Variants in GYG2 observed in about 807,000 individuals in gnomAD.
The protein encoded by GYG2 is glycogenin-2.
In GYG2, 29 loss-of-function variants were observed where a neutral mutation model predicts 29.4. That is an observed-to-expected ratio of 0.99 (90% confidence interval 0.74 to 1.35). GYG2 has a LOEUF of 1.35. GYG2 is among the 40% of genes most tolerant of loss of function. GYG2 has a pLI of 0.00. For missense variants in GYG2, 370 were observed against 385.7 expected (o/e 0.96, Z 0.34); for synonymous variants, 167 against 172.3 (o/e 0.97, Z 0.24).
rs2088715355 is a variant in GYG2 at position 2,881,230 on chromosome X, C to T, written c.*17C>T. 1 of 1,154,355 alleles carries T rather than the reference C, an allele frequency of 8.7e-7. No homozygotes were observed. Among genetic ancestry groups the T allele is most frequent in the Middle Eastern group, 2.5e-4 (1 of 4,080 alleles). ...CTGCAGTAATCCGGCAGCTGGTGGG[C>T]GTTGTGTGTAGTTAGACAATGTCCT... On this transcript the variant is annotated 3_prime_UTR_variant, in exon 11 of 11. Transcript: ENST00000398806.
chrX:2,843,202 G>A lies in GYG2; in HGVS notation c.8-11G>A, dbSNP rs2087545115. On this transcript the variant is annotated splice_polypyrimidine_tract_variant and intron_variant, in intron 2 of 10. Coordinates refer to ENST00000398806, the MANE Select transcript of GYG2 (RefSeq NM_001079855.2). ...GGAGTGTAACTCTGGTGTTTCTGTT[G>A]ATTTTCACAGTGACTGATCAGGCTT... is the stretch of plus-strand genomic sequence containing the variant. The A allele has an allele frequency of 8.3e-7, 1 of 1,198,522 alleles. No homozygotes were observed. Among genetic ancestry groups the A allele is most frequent in the African/African-American group, 1.8e-5 (1 of 56,831 alleles).
At chrX:2,835,493 A>T (rs2087354875) in intron 2 of GYG2, among the ~76,000 whole-genome samples, 1 of 112,214 alleles carries the variant, frequency 8.9e-6, no homozygotes, top group African/African-American at 3.2e-5. Context: ...GGGTCTTTGC[A>T]GATGTAATTA....
chrX:2,839,610 G>A (rs1369638587), intron 2 of GYG2, among the ~76,000 whole-genome samples: 1 of 110,759 alleles, frequency 9.0e-6, no homozygotes, highest in African/African-American at 3.3e-5. Flanking sequence ...GTTGTCACAA[G>A]CTAGGGAAGG....
At position 2,830,027 on chromosome X, in the gene GYG2, G is replaced by A. The variant is rs190588840; in HGVS notation, c.-128-34G>A. Reference sequence around the variant, plus strand: ...GGTGACACTGGCGGGGCCTGCAGCCGAGGGTGTCGAGACTGCCACGCTGTC... The same window carrying A: ...GGTGACACTGGCGGGGCCTGCAGCCAAGGGTGTCGAGACTGCCACGCTGTC... On this transcript the variant is annotated intron_variant, in intron 1 of 10. Transcript: ENST00000398806. The A allele has an allele frequency of 3.1e-3, 1,510 of 481,644 alleles. 19 individuals carry two copies. Among genetic ancestry groups the A allele is most frequent in the African/African-American group, 0.029 (1,196 of 41,741 alleles). 39.7% of individuals were successfully genotyped at this position (481,644 alleles called of 1,213,427 possible). A position where few individuals can be genotyped will look rare whatever the true frequency, so the allele number is the denominator to read the frequency against.
chrX:2,831,108 CTCT>C (rs1386677875), intron 2 of GYG2, among the ~76,000 whole-genome samples: 3 of 112,753 alleles, frequency 2.7e-5, no homozygotes, highest in African/African-American at 9.7e-5. Context: ...AGAGTGTAAC[CTCT>C]TCCCATAAGA....
In GYG2 at chrX:2,875,881, G is replaced by C. The variant is rs145525914; in HGVS notation, c.1110G>C (p.Gln370His). The C allele has an allele frequency of 1.8e-4, 215 of 1,177,005 alleles. No individual in the cohort carries two copies. In the Middle Eastern group the frequency reaches 3.0e-3, roughly 17 times the overall value. ...TCDPLSQPSP[Q>H]PADFTETETI... Reference sequence around the variant, plus strand: ...ACCCACTGTCCCAGCCTTCCCCTCAGCCTGCAGACTTCACAGAGACTGAAA... The same window carrying C: ...ACCCACTGTCCCAGCCTTCCCCTCACCCTGCAGACTTCACAGAGACTGAAA... The change falls in exon 9 of 11, where the codon CAG becomes CAC. Residue 370 changes from glutamine (Q) to histidine (H), a missense_variant. Coordinates refer to ENST00000398806, the MANE Select transcript of GYG2 (RefSeq NM_001079855.2).
At chrX:2,857,412 A>ATC (rs2088042292) in intron 6 of GYG2, among the ~76,000 whole-genome samples, 2 of 108,040 alleles carry the variant, frequency 1.9e-5, no homozygotes, top group Admixed American at 2.0e-4. Flanking sequence ...ATAGATATCT[A>ATC]TATCTATCTA....
chrX:2,844,792 A>G (rs76100038), intron 3 of GYG2, among the ~76,000 whole-genome samples: 2 of 99,040 alleles, frequency 2.0e-5, no homozygotes, highest in African/African-American at 9.5e-5. Flanking sequence ...GCATATATAT[A>G]TACATGTATG....
At chrX:2,862,866 C>T (rs912497120) in intron 8 of GYG2, among the ~76,000 whole-genome samples, 7 of 107,894 alleles carry the variant, frequency 6.5e-5, no homozygotes, top group African/African-American at 1.7e-4. Context: ...CGAGACCAGC[C>T]GGCAACACAC....
chrX:2,878,384 C>T (rs2088645811), intron 10 of GYG2: 1 of 121,566 alleles, frequency 8.2e-6, no homozygotes, highest in African/African-American at 3.2e-5. Context: ...CCTGCCTCAG[C>T]CTTCCAAGGA....
chrX:2,868,590 A>G (rs1201185629), intron 8 of GYG2, among the ~76,000 whole-genome samples: 1 of 110,970 alleles, frequency 9.0e-6, no homozygotes, highest in Admixed American at 9.7e-5. Context: ...ATTGACCTAA[A>G]AAAATTTGTT....
At chrX:2,858,086 AT>A (rs34599585) in intron 6 of GYG2, among the ~76,000 whole-genome samples, 4 of 109,600 alleles carry the variant, frequency 3.6e-5, no homozygotes, top group East Asian at 2.9e-4. Context: ...TAATGGTTTG[AT>A]TTTTTTTAAA....
At chrX:2,857,315 C>A (rs9781871) in intron 6 of GYG2, among the ~76,000 whole-genome samples, 55,985 of 107,689 alleles carry the variant, frequency 0.52, 11,424 homozygotes, top group African/African-American at 0.74. Context: ...TCTAGATCTA[C>A]ATCACTATAT....
intron 3 of GYG2, among the ~76,000 whole-genome samples, chrX:2,846,036 C>CACATATATATATATAT (rs1199380183): frequency 2.1e-4 from 7 of 33,043 alleles, no homozygotes; most frequent in Non-Finnish European, 3.2e-4. Flanking sequence ...TATATATACA[C>CACATATATATATATAT]ATATATATAT....
At chrX:2,866,230 C>A (rs959672094) in intron 8 of GYG2, among the ~76,000 whole-genome samples, 1 of 112,059 alleles carries the variant, frequency 8.9e-6, no homozygotes, top group African/African-American at 3.2e-5. Context: ...CACAGTGGCT[C>A]ACTCCTGTAA....
intron 8 of GYG2, among the ~76,000 whole-genome samples, chrX:2,870,117 C>G (rs2088425522): frequency 9.3e-6 from 1 of 107,912 alleles, no homozygotes; most frequent in Non-Finnish European, 1.9e-5. Flanking sequence ...TTTTTTTAAG[C>G]TATCAAGTTT....
At chrX:2,875,123 G>A (rs1368373335) in intron 8 of GYG2, among the ~76,000 whole-genome samples, 2 of 111,968 alleles carry the variant, frequency 1.8e-5, no homozygotes, top group African/African-American at 3.2e-5. Context: ...TTTCTCATTT[G>A]TATCACAGCC....
At chrX:2,840,650 A>G (rs768876997) in intron 2 of GYG2, among the ~76,000 whole-genome samples, 35 of 111,768 alleles carry the variant, frequency 3.1e-4, no homozygotes, top group African/African-American at 1.1e-3. Context: ...AAATAAGTAG[A>G]TACATAGAGG....
At chrX:2,870,896 T>C (rs1184664590) in intron 8 of GYG2, among the ~76,000 whole-genome samples, 1 of 112,261 alleles carries the variant, frequency 8.9e-6, no homozygotes. Context: ...TTTGGTCTTT[T>C]CTTGTTGTAT....
Sources: allele counts gnomAD v4.1 joint callset (sites outside exome capture counted in the v4.1 genomes callset), GRCh38; gene constraint gnomAD v4.1.1; transcripts MANE v1.5; gene names NCBI Gene and HGNC (gene_info 2026-07-23, HGNC 2026-07-21).